The following LVRN variants were observed in gnomAD, a reference collection of about 807,000 sequenced individuals.
LVRN encodes aminopeptidase Q.
Under a neutral mutation model 111.4 loss-of-function variants are expected in LVRN, and 99 were observed. The observed-to-expected ratio is 0.89, with a 90% CI of 0.76 to 1.05. LVRN has a LOEUF of 1.05. Among genes scored for constraint, LVRN ranks in the 50% least tolerant of loss-of-function variants. The pLI, the probability that LVRN is intolerant of heterozygous loss-of-function variation, is 0.00. For synonymous variants in LVRN, 488 were observed against 449.5 expected (o/e 1.09, Z -1.08); for missense variants, 1,414 against 1,206.8 (o/e 1.17, Z -2.54).
At chr5:115,978,280 C>T (rs967988948) in intron 1 of LVRN, among the ~76,000 whole-genome samples, 2 of 152,146 alleles carry the variant, frequency 1.3e-5, no homozygotes, top group Admixed American at 1.3e-4. Flanking sequence ...ATAAAGGTGT[C>T]AAACCCATAT....
chr5:116,000,548 A>G, intron 8 of LVRN, 45 bp from the exon 9 acceptor site: 2 of 1,612,408 alleles, frequency 1.2e-6, no homozygotes, highest in Non-Finnish European at 1.7e-6. Context: ...CATAAATTCC[A>G]TTGGCATGCT....
At position 116,001,187 on chromosome 5, in the gene LVRN, C is replaced by T; in HGVS notation, c.1768C>T (p.Gln590Ter). ...TLNVSTGVMK[Q>*]EPFYLENIKN... Reference sequence around the variant, plus strand: ...AAATGTGTCTACTGGCGTCATGAAACAGGAGCCATTTTATCTTGAAAACAT... The same window carrying T: ...AAATGTGTCTACTGGCGTCATGAAATAGGAGCCATTTTATCTTGAAAACAT... Residue 590 changes from glutamine to a stop codon, truncating the protein, a stop_gained, in exon 10 of 20, where the codon CAG (glutamine) becomes TAG (stop). Transcript: ENST00000357872. LOFTEE classifies it high-confidence loss of function. 1 of 1,613,986 alleles carries T rather than the reference C, an allele frequency of 6.2e-7. No individual in the cohort carries two copies. The highest frequency in any genetic ancestry group is 8.5e-7 in the Non-Finnish European group (1 of 1,179,974).
chr5:115,993,958 A>G (rs1748051669), intron 6 of LVRN, 104 bp downstream of exon 6: 3 of 626,256 alleles, frequency 4.8e-6, no homozygotes, highest in African/African-American at 1.9e-5. Context: ...ACAAGAAATA[A>G]TAAATTACCT....
chr5:116,000,527 A>T (rs2112602378), intron 8 of LVRN, 29 bp downstream of exon 8: 1 of 1,613,124 alleles, frequency 6.2e-7, no homozygotes, highest in East Asian at 2.2e-5. Flanking sequence ...CGTTACCTGG[A>T]TGGCAGTAAA....
chr5:116,016,206 T>A (rs984327199), intron 18 of LVRN, among the ~76,000 whole-genome samples: 1 of 152,196 alleles, frequency 6.6e-6, no homozygotes, highest in Admixed American at 6.5e-5. Context: ...GACTGTTACA[T>A]TATTTATGGA....
At chr5:115,977,141 T>C (rs1753466624) in intron 1 of LVRN, among the ~76,000 whole-genome samples, 1 of 152,224 alleles carries the variant, frequency 6.6e-6, no homozygotes, top group South Asian at 2.1e-4. Flanking sequence ...CTCATGATGA[T>C]TACTATTTGT....
At chr5:115,980,659 A>G (rs1391690841) in intron 1 of LVRN, among the ~76,000 whole-genome samples, 2 of 152,056 alleles carry the variant, frequency 1.3e-5, no homozygotes, top group East Asian at 3.8e-4. Flanking sequence ...TCTCTTTGAG[A>G]TTCATAAGCT....
intron 15 of LVRN, 107 bp downstream of exon 15, chr5:116,012,575 T>C: frequency 1.5e-6 from 1 of 660,432 alleles, no homozygotes; most frequent in Non-Finnish European, 2.5e-6. Flanking sequence ...TGAGAGATTT[T>C]ATATGCTATT....
chr5:116,018,774 A>AG (rs1748654368), intron 18 of LVRN, among the ~76,000 whole-genome samples: 1 of 152,198 alleles, frequency 6.6e-6, no homozygotes, highest in Admixed American at 6.5e-5. Context: ...TCATCTTATG[A>AG]CGTGATTTAT....
intron 1 of LVRN, among the ~76,000 whole-genome samples, chr5:115,973,086 G>A (rs10477547): frequency 0.21 from 32,143 of 151,880 alleles, 4,509 homozygotes; most frequent in Non-Finnish European, 0.31. Context: ...ATGCTGCCAT[G>A]CCTAGCTGAT....
chr5:116,014,301 A>T (rs950240017), intron 15 of LVRN, 119 bp from the exon 16 acceptor site: 8 of 710,802 alleles, frequency 1.1e-5, no homozygotes, highest in Non-Finnish European at 1.9e-5. Flanking sequence ...AACAAACCTG[A>T]TGTCATTGAA....
chr5:115,971,877 C>G (rs1419776015), intron 1 of LVRN, among the ~76,000 whole-genome samples: 2 of 152,000 alleles, frequency 1.3e-5, no homozygotes, highest in Admixed American at 6.5e-5. Context: ...GGGATTTTGA[C>G]TGAGATTATG....
At chr5:115,996,729 C>A (rs114237820) in intron 6 of LVRN, among the ~76,000 whole-genome samples, 176 of 152,296 alleles carry the variant, frequency 1.2e-3, no homozygotes, top group African/African-American at 3.9e-3. Flanking sequence ...TTGCCACTCA[C>A]TGACTTTCCT....
chr5:115,988,353 C>T (rs1017298271), intron 4 of LVRN, among the ~76,000 whole-genome samples: 31 of 151,612 alleles, frequency 2.0e-4, no homozygotes, highest in African/African-American at 6.8e-4. Flanking sequence ...TTTTAAATAT[C>T]CATTAGCTGT....
chr5:115,997,704 T>C (rs1748146646), intron 6 of LVRN, among the ~76,000 whole-genome samples: 1 of 152,162 alleles, frequency 6.6e-6, no homozygotes, highest in Admixed American at 6.6e-5. Flanking sequence ...CTCTGACATA[T>C]TGCAGCTTGT....
intron 1 of LVRN, among the ~76,000 whole-genome samples, chr5:115,966,752 T>C (rs1753211388): frequency 1.3e-5 from 2 of 152,236 alleles, no homozygotes; most frequent in South Asian, 4.1e-4. Flanking sequence ...GCTATACCAT[T>C]TTATACTCCT....
chr5:115,987,208 T>A (rs1379652079), intron 3 of LVRN, among the ~76,000 whole-genome samples: 1 of 152,196 alleles, frequency 6.6e-6, no homozygotes, highest in Non-Finnish European at 1.5e-5. Flanking sequence ...AAAGTGGAAG[T>A]GTCATTTGGC....
intron 1 of LVRN, among the ~76,000 whole-genome samples, chr5:115,981,143 C>G (rs903323608): frequency 6.6e-6 from 1 of 152,120 alleles, no homozygotes; most frequent in Non-Finnish European, 1.5e-5. Context: ...TTGTCCAATC[C>G]CCTTAAAGAC....
chr5:116,001,773 G>T (rs1435862139), intron 10 of LVRN, among the ~76,000 whole-genome samples: 1 of 152,034 alleles, frequency 6.6e-6, no homozygotes, highest in Non-Finnish European at 1.5e-5. Context: ...GTTAGACCTG[G>T]GTTCAAATAT....
Sources: gnomAD v4.1 joint callset for allele counts (sites outside exome capture counted in the v4.1 genomes callset) on GRCh38, gnomAD v4.1.1 for gene constraint, MANE v1.5 for transcripts, NCBI Gene and HGNC (gene_info 2026-07-23, HGNC 2026-07-21) for gene names.